PTPRD: variants seen among roughly 807,000 people sequenced by gnomAD.
PTPRD encodes protein tyrosine phosphatase receptor type D, also known as receptor-type tyrosine-protein phosphatase delta.
PTPRD carries 34 observed loss-of-function variants against 214.5 expected under a neutral mutation model. The ratio of observed to expected loss-of-function variants is 0.16; its 90% CI spans 0.12 to 0.21. The LOEUF (loss-of-function observed/expected upper bound fraction) is 0.21. PTPRD is among the 10% of genes least tolerant of loss of function. The pLI is 1.00. For synonymous variants in PTPRD, 1,128 were observed against 845.7 expected (o/e 1.33, Z -5.79); for missense variants, 2,545 against 2,398.7 (o/e 1.06, Z -1.27).
At chr9:9,997,646 TA>T (rs1232703959) in intron 4 of PTPRD, among the ~76,000 whole-genome samples, 2 of 152,100 alleles carry the variant, frequency 1.3e-5, no homozygotes, top group African/African-American at 2.4e-5. Context: ...ATAGAGAGAG[TA>T]AAAAGAGTTC....
At chr9:10,227,569 T>C (rs1454777926) in intron 3 of PTPRD, among the ~76,000 whole-genome samples, 2 of 151,990 alleles carry the variant, frequency 1.3e-5, no homozygotes, top group Non-Finnish European at 2.9e-5. Context: ...CCAGGCTAGA[T>C]AAGGTGATCC....
intron 7 of PTPRD, among the ~76,000 whole-genome samples, chr9:9,588,156 C>T (rs1045173379): frequency 6.6e-6 from 1 of 151,656 alleles, no homozygotes; most frequent in African/African-American, 2.4e-5. Flanking sequence ...AAAATAGACC[C>T]AGTGAAGCTA....
intron 2 of PTPRD, among the ~76,000 whole-genome samples, chr9:10,517,450 T>C (rs2050513183): frequency 2.0e-5 from 3 of 151,982 alleles, no homozygotes; most frequent in Admixed American, 2.0e-4. Context: ...TGTTTATTAT[T>C]TCTAGAAGTA....
intron 9 of PTPRD, among the ~76,000 whole-genome samples, chr9:9,251,070 C>G (rs776322254): frequency 1.3e-5 from 2 of 151,972 alleles, no homozygotes; most frequent in Non-Finnish European, 2.9e-5. Context: ...ATTCTTTATA[C>G]CACTTTTAAT....
At chr9:10,529,355 G>A (rs1282616683) in intron 2 of PTPRD, among the ~76,000 whole-genome samples, 1 of 152,112 alleles carries the variant, frequency 6.6e-6, no homozygotes, top group Non-Finnish European at 1.5e-5. Flanking sequence ...TAAACAATAT[G>A]TGGCACATAT....
intron 2 of PTPRD, among the ~76,000 whole-genome samples, chr9:10,558,714 G>A (rs763222083): frequency 1.1e-4 from 17 of 152,150 alleles, no homozygotes; most frequent in Non-Finnish European, 2.2e-4. Context: ...GCTAAATACA[G>A]TGACCAGCAC....
At chr9:8,554,228 G>C (rs1296204828) in intron 14 of PTPRD, among the ~76,000 whole-genome samples, 1 of 152,000 alleles carries the variant, frequency 6.6e-6, no homozygotes, top group Non-Finnish European at 1.5e-5. Context: ...ATTATAGTTG[G>C]GGAAGGAAGG....
chr9:8,674,414 C>T (rs767654715), intron 12 of PTPRD, among the ~76,000 whole-genome samples: 6 of 136,636 alleles, frequency 4.4e-5, no homozygotes, highest in Non-Finnish European at 9.1e-5. Flanking sequence ...GCCGGGATCG[C>T]GCCACTGCAC....
chr9:9,735,936 C>T (rs1226048278), intron 6 of PTPRD, among the ~76,000 whole-genome samples: 3 of 152,084 alleles, frequency 2.0e-5, no homozygotes, highest in Non-Finnish European at 2.9e-5. Flanking sequence ...AAAGTCAATG[C>T]TCATGTAATT....
intron 11 of PTPRD, among the ~76,000 whole-genome samples, chr9:8,857,005 T>C (rs2097928689): frequency 6.6e-6 from 1 of 152,212 alleles, no homozygotes; most frequent in Admixed American, 6.5e-5. Flanking sequence ...GACTCTTCAT[T>C]ATAAAAGATG....
intron 10 of PTPRD, among the ~76,000 whole-genome samples, chr9:9,100,660 A>G (rs1440404976): frequency 6.6e-6 from 1 of 152,158 alleles, no homozygotes; most frequent in African/African-American, 2.4e-5. Flanking sequence ...TTTATAGGTA[A>G]AAGTCCTGAG....
chr9:10,016,142 A>G (rs1312392544), intron 4 of PTPRD, among the ~76,000 whole-genome samples: 1 of 152,146 alleles, frequency 6.6e-6, no homozygotes, highest in Non-Finnish European at 1.5e-5. Flanking sequence ...CTCCCTAAAT[A>G]TGTATACAAT....
chr9:9,825,398 G>T (rs1013372694), intron 5 of PTPRD, among the ~76,000 whole-genome samples: 4 of 103,700 alleles, frequency 3.9e-5, no homozygotes, highest in African/African-American at 1.9e-4. Context: ...GAGAGAGACA[G>T]AGAGAGAAAG....
intron 34 of PTPRD, among the ~76,000 whole-genome samples, chr9:8,439,934 A>ATTTTTTT (rs2095487158): frequency 4.5e-5 from 3 of 66,016 alleles, no homozygotes; most frequent in Non-Finnish European, 9.0e-5. Flanking sequence ...GATGTGCTTT[A>ATTTTTTT]ATTTTTTTTT....
chr9:9,978,183 A>C (rs1015877444), intron 4 of PTPRD, among the ~76,000 whole-genome samples: 17 of 152,120 alleles, frequency 1.1e-4, no homozygotes, highest in Non-Finnish European at 2.2e-4. Context: ...AAAACCAACA[A>C]AAAAGAGTGA....
At chr9:9,504,952 T>C (rs1343097390) in intron 8 of PTPRD, among the ~76,000 whole-genome samples, 1 of 151,634 alleles carries the variant, frequency 6.6e-6, no homozygotes, top group African/African-American at 2.4e-5. Context: ...TAAGAAGGCA[T>C]CATTCTTGGG....
At chr9:8,723,185 C>T (rs1174384984) in intron 12 of PTPRD, among the ~76,000 whole-genome samples, 1 of 152,090 alleles carries the variant, frequency 6.6e-6, no homozygotes, top group Non-Finnish European at 1.5e-5. Flanking sequence ...ACACACTAGG[C>T]TCCCTCCTTG....
At chr9:8,782,823 T>G (rs572018714) in intron 11 of PTPRD, among the ~76,000 whole-genome samples, 1 of 152,096 alleles carries the variant, frequency 6.6e-6, no homozygotes, top group African/African-American at 2.4e-5. Flanking sequence ...CTCGAACTCC[T>G]GACCTCGTGA....
chr9:9,451,032 C>G, intron 8 of PTPRD, among the ~76,000 whole-genome samples: 1 of 149,536 alleles, frequency 6.7e-6, no homozygotes, highest in South Asian at 2.1e-4. Context: ...CATCACTGAG[C>G]TAGCAAGACA....
Sources: allele counts gnomAD v4.1 joint callset (sites outside exome capture counted in the v4.1 genomes callset), GRCh38; gene constraint gnomAD v4.1.1; transcripts MANE v1.5; gene names NCBI Gene and HGNC (gene_info 2026-07-23, HGNC 2026-07-21).